Variants in TRAPPC3 observed in about 807,000 individuals in gnomAD.
TRAPPC3 encodes trafficking protein particle complex subunit 3.
Under a neutral mutation model 18.2 loss-of-function variants are expected in TRAPPC3, and 5 were observed. The ratio of observed to expected loss-of-function variants is 0.28; its 90% CI spans 0.14 to 0.58. TRAPPC3 has a LOEUF of 0.58. Among genes scored for constraint, TRAPPC3 ranks in the 20% least tolerant of loss-of-function variants. The probability of loss-of-function intolerance (pLI) is 0.91; values close to 1 mark genes in which losing one functional copy is unlikely to be tolerated. For synonymous variants in TRAPPC3, 65 were observed against 84.2 expected (o/e 0.77, Z 1.25); for missense variants, 176 against 225.9 (o/e 0.78, Z 1.41).
chr1:36,144,387 A>G (rs1416966276), intron 1 of TRAPPC3, among the ~76,000 whole-genome samples: 2 of 150,750 alleles, frequency 1.3e-5, no homozygotes, highest in African/African-American at 4.9e-5. Flanking sequence ...GCTCATGCCT[A>G]TAATCCCAGC....
At chr1:36,146,816 G>A (rs1230421128) in intron 1 of TRAPPC3, among the ~76,000 whole-genome samples, 1 of 152,158 alleles carries the variant, frequency 6.6e-6, no homozygotes, top group Non-Finnish European at 1.5e-5. Context: ...GCTTCTCAAA[G>A]TTAGGGACTA....
At chr1:36,149,050 T>A in intron 1 of TRAPPC3, 2 of 1,283,966 alleles carry the variant, frequency 1.6e-6, no homozygotes, top group Non-Finnish European at 2.0e-6. Flanking sequence ...GCCCAACACA[T>A]AGTAAGAGAG....
chr1:36,149,972 G>A (rs1485831252), upstream of TRAPPC3, among the ~76,000 whole-genome samples: 4 of 152,174 alleles, frequency 2.6e-5, no homozygotes, highest in Non-Finnish European at 5.9e-5. Context: ...CAAGCATTTC[G>A]CTAGTGTCTT....
intron 3 of TRAPPC3, 109 bp downstream of exon 3, chr1:36,139,611 G>C: frequency 6.9e-7 from 1 of 1,451,238 alleles, no homozygotes; most frequent in South Asian, 1.3e-5. Flanking sequence ...GAGCTGCCTA[G>C]CCAGTCTTTT....
chr1:36,149,791 C>T (rs1037883071), upstream of TRAPPC3, among the ~76,000 whole-genome samples: 3 of 152,262 alleles, frequency 2.0e-5, no homozygotes, highest in Admixed American at 2.0e-4. Flanking sequence ...GATGATGCTC[C>T]ACAAATTCCT....
chr1:36,149,543 G>A (rs1397593434), upstream of TRAPPC3: 5 of 823,968 alleles, frequency 6.1e-6, no homozygotes, highest in Non-Finnish European at 9.6e-6. Flanking sequence ...TGGTCCGGCC[G>A]ACGTGGGCAA....
chr1:36,137,245 G>A lies in TRAPPC3; in HGVS notation c.501C>T (p.Phe167=), dbSNP rs774816296. The change falls in exon 5 of 5, where the codon TTC becomes TTT. Residue 167 remains phenylalanine, a synonymous_variant. Coordinates refer to ENST00000373166, the MANE Select transcript of TRAPPC3 (RefSeq NM_014408.5). ...GAAGATTGTCCTCAATCCGCCTGAT[G>A]AATCTCATCCGGATTTCTGTCACAC... ...GDGVTEIRMR[F]IRRIEDNLPA... The A allele has an allele frequency of 6.2e-7, 1 of 1,613,094 alleles. No individual in the cohort carries two copies. The highest frequency in any genetic ancestry group is 8.5e-7 in the Non-Finnish European group (1 of 1,179,128).
At chr1:36,138,045 A>G in intron 3 of TRAPPC3, 67 bp from the exon 4 acceptor site, 1 of 1,608,966 alleles carries the variant, frequency 6.2e-7, no homozygotes, top group Non-Finnish European at 8.5e-7. Context: ...GGAAGGTGAC[A>G]GAACTGGCAA....
chr1:36,151,864 C>A (rs1016566965), upstream of TRAPPC3, among the ~76,000 whole-genome samples: 3 of 152,198 alleles, frequency 2.0e-5, no homozygotes, highest in African/African-American at 7.2e-5. Context: ...TCTATTTAGT[C>A]CTGTATCTGA....
chr1:36,151,494 C>T (rs375259920), upstream of TRAPPC3, among the ~76,000 whole-genome samples: 90 of 152,194 alleles, frequency 5.9e-4, 2 homozygotes, highest in East Asian at 9.7e-3. Context: ...CCTCTGGCCC[C>T]CAGCTACTAG....
In TRAPPC3 at chr1:36,140,135, G is replaced by A; in HGVS notation, c.74C>T (p.Ala25Val). Residue 25 changes from alanine to valine, a missense_variant, in exon 2 of 5, where the codon GCC becomes GTC. Coordinates refer to ENST00000373166, the MANE Select transcript of TRAPPC3 (RefSeq NM_014408.5). Reference protein sequence around the residue: ...SSELFTLTYGALVTQLCKDYE... With the variant: ...SSELFTLTYGVLVTQLCKDYE... ...GTCCTTACATAGCTGGGTGACCAGGGCACCATAGGTCAGGGTGAAGAGCTC... is the reference window on the plus strand; with the variant it reads ...GTCCTTACATAGCTGGGTGACCAGGACACCATAGGTCAGGGTGAAGAGCTC... 6.2e-7 allele frequency: 1 copy of A among 1,604,404 alleles called. No individual in the cohort carries two copies. Among genetic ancestry groups the A allele is most frequent in the Non-Finnish European group, 8.5e-7 (1 of 1,177,232 alleles).
intron 1 of TRAPPC3, chr1:36,140,794 G>C (rs1644095687): frequency 6.6e-6 from 1 of 152,216 alleles, no homozygotes; most frequent in Non-Finnish European, 1.5e-5. Context: ...CAGGAAAAGA[G>C]GTGACTCTTC....
intron 1 of TRAPPC3, among the ~76,000 whole-genome samples, chr1:36,155,026 G>T (rs1644305589): frequency 6.6e-6 from 1 of 152,142 alleles, no homozygotes; most frequent in African/African-American, 2.4e-5. Flanking sequence ...CCAAATGGCC[G>T]CTTTCTGGAG....
At chr1:36,137,416 C>A in intron 4 of TRAPPC3, 94 bp from the exon 5 acceptor site, 2 of 1,332,730 alleles carry the variant, frequency 1.5e-6, no homozygotes, top group African/African-American at 2.9e-5. Context: ...TCCACAGCAT[C>A]CAAAAAAGGG....
chr1:36,146,793 T>A (rs1018754893), intron 1 of TRAPPC3, among the ~76,000 whole-genome samples: 62 of 152,280 alleles, frequency 4.1e-4, no homozygotes, highest in African/African-American at 1.4e-3. Context: ...TCTGTCTCCC[T>A]CACAGAGTAT....
Position 36,137,812 on chromosome 1 carries a change from C to T in TRAPPC3, c.407G>A (p.Arg136Gln), listed in dbSNP as rs1381047813. The change falls in exon 4 of 5, where the codon CGG becomes CAG. Residue 136 changes from arginine to glutamine, a missense_variant. By Grantham distance (43) the Arg-to-Gln change is conservative (BLOSUM62 1). This residue lies in a region of TRAPPC3 where 29 missense variants were observed against 61.5 expected (regional missense o/e 0.47). Transcript: ENST00000373166. ...TGCACTCACCATCTCCAAAGCTCCC[C>T]GCAACACCCCACACAAGAGATTGGA... ...IYSNLLCGVL[R>Q]GALEMVQMAV... The T allele has an allele frequency of 8.1e-6, 13 of 1,613,808 alleles. No individual in the cohort carries two copies. The highest frequency in any genetic ancestry group is 6.7e-5 in the Admixed American group (4 of 59,970).
chr1:36,144,058 C>T (rs1000976122), intron 1 of TRAPPC3, among the ~76,000 whole-genome samples: 1 of 151,886 alleles, frequency 6.6e-6, no homozygotes, highest in Non-Finnish European at 1.5e-5. Context: ...GAGGCCGAGG[C>T]GGGCGGATCA....
intron 3 of TRAPPC3, 135 bp downstream of exon 3, chr1:36,139,585 G>A: frequency 2.5e-6 from 3 of 1,188,598 alleles, no homozygotes; most frequent in South Asian, 1.5e-5. Context: ...GACCTGGAAT[G>A]TTTTTTTGAC....
chr1:36,143,498 C>G (rs934849753), intron 1 of TRAPPC3, among the ~76,000 whole-genome samples: 1 of 152,132 alleles, frequency 6.6e-6, no homozygotes, highest in African/African-American at 2.4e-5. Context: ...GTTGCAGAGT[C>G]TGAAGACCTG....
Sources: gnomAD v4.1 joint callset for allele counts (sites outside exome capture counted in the v4.1 genomes callset) on GRCh38, gnomAD v4.1.1 for gene constraint, gnomAD v4.1.1 regional missense constraint, MANE v1.5 for transcripts, NCBI Gene and HGNC (gene_info 2026-07-23, HGNC 2026-07-21) for gene names.